MSANTD1: variants seen among roughly 807,000 people sequenced by gnomAD.
MSANTD1 encodes the protein Myb/SANT DNA binding domain containing 1, also known as myb/SANT-like DNA-binding domain-containing protein 1.
In MSANTD1, 7 loss-of-function variants were observed where a neutral mutation model predicts 24.2. That is an observed-to-expected ratio of 0.29 (90% CI 0.16 to 0.54). The LOEUF is 0.54. Among genes scored for constraint, MSANTD1 ranks in the 20% least tolerant of loss-of-function variants. The pLI is 0.94. For missense variants in MSANTD1, 384 were observed against 408.2 expected (o/e 0.94, Z 0.51); for synonymous variants, 177 against 181.1 (o/e 0.98, Z 0.18).
chr4:3,246,737 G>C (rs923567045), upstream of MSANTD1: 18 of 662,610 alleles, frequency 2.7e-5, no homozygotes, highest in East Asian at 5.0e-4. Flanking sequence ...CTGGGTGCCT[G>C]GTGCTGCCAT....
rs1402314318 is a variant in MSANTD1, at chr4:3,253,266, C to T, written c.380C>T (p.Ala127Val). 6.2e-7 allele frequency: 1 copy of T among 1,605,916 alleles called. No individual in the cohort carries two copies. Residue 127 changes from alanine to valine, a missense_variant, in exon 2 of 3, where the codon GCC becomes GTC. By Grantham distance (64) the Ala-to-Val change is moderately conservative. Coordinates refer to ENST00000438480, the MANE Select transcript of MSANTD1 (RefSeq NM_001042690.2). ...SAPPDWPYYL[A>V]IDGILAKVPE... Reference sequence around the variant, plus strand: ...CCGCCCGACTGGCCCTATTACCTAGCCATTGATGGGATTCTGGCCAAGGTC... The same window carrying T: ...CCGCCCGACTGGCCCTATTACCTAGTCATTGATGGGATTCTGGCCAAGGTC...
intron 1 of MSANTD1, 58 bp downstream of exon 1, chr4:3,249,600 C>T (rs979595962): frequency 8.7e-6 from 13 of 1,487,360 alleles, no homozygotes; most frequent in South Asian, 1.3e-5. Context: ...CGTGGCGGGC[C>T]GCTCCTGACT....
Position 3,256,183 on chromosome 4 carries a change from C to T in MSANTD1, c.*218C>T. The T allele has an allele frequency of 2.0e-6, 1 of 510,728 alleles. No individual in the cohort carries two copies. 31.6% of individuals were successfully genotyped at this position (510,728 alleles called of 1,614,324 possible). A position where few individuals can be genotyped will look rare whatever the true frequency, so the allele number is the denominator to read the frequency against. ...CCAGTCTCCAGCATGAATGCCCTTC[C>T]TCGGACACAGGCCAGGGCCTCTGGG... On this transcript the variant is annotated 3_prime_UTR_variant, in exon 3 of 3. Transcript: ENST00000438480.
At chr4:3,254,599 A>C (rs559938965) in intron 2 of MSANTD1, among the ~76,000 whole-genome samples, 1 of 152,208 alleles carries the variant, frequency 6.6e-6, no homozygotes, top group Non-Finnish European at 1.5e-5. Flanking sequence ...GCACTGGAGC[A>C]GGGCCCTGGG....
At chr4:3,248,241 G>A (rs1259783093), upstream of MSANTD1, 1 of 152,294 alleles carries the variant, frequency 6.6e-6, no homozygotes, top group Non-Finnish European at 1.5e-5. Context: ...GGCAGGCTGT[G>A]GTCCTCCGGC....
rs994159655 is a variant in MSANTD1, at chr4:3,256,257, T to G, written c.*292T>G. ...TAGAGCCACTCTCCAGTGTCGTTAC[T>G]ATCAATGATACTTGACGTGGCTTTG... On this transcript the variant is annotated 3_prime_UTR_variant, in exon 3 of 3. Transcript: ENST00000438480. 8.9e-5 allele frequency: 26 copies of G among 291,490 alleles called. No individual in the cohort carries two copies. Among genetic ancestry groups the G allele is most frequent in the African/African-American group, 2.2e-4 (10 of 45,796 alleles). The allele number at this position is 291,490 out of a possible 1,614,324, so 18.1% of individuals were successfully genotyped here. A position where few individuals can be genotyped will look rare whatever the true frequency, so the allele number is the denominator to read the frequency against.
At chr4:3,254,971 A>T (rs1465532789) in intron 2 of MSANTD1, among the ~76,000 whole-genome samples, 1 of 152,082 alleles carries the variant, frequency 6.6e-6, no homozygotes, top group East Asian at 1.9e-4. Context: ...AGTACTCTGC[A>T]CTACCCAGCA....
upstream of MSANTD1, chr4:3,249,035 T>G: frequency 2.0e-6 from 1 of 503,824 alleles, no homozygotes; most frequent in Non-Finnish European, 3.2e-6. Flanking sequence ...GCAGCCCTGA[T>G]TCCTGTGCTT....
At chr4:3,252,404 C>T (rs879751248) in intron 1 of MSANTD1, among the ~76,000 whole-genome samples, 6 of 152,242 alleles carry the variant, frequency 3.9e-5, no homozygotes, top group Non-Finnish European at 8.8e-5. Flanking sequence ...GGTAATGAGG[C>T]ATCAGGCAGT....
intron 2 of MSANTD1, among the ~76,000 whole-genome samples, chr4:3,254,538 G>A (rs1722329258): frequency 6.6e-6 from 1 of 152,204 alleles, no homozygotes; most frequent in African/African-American, 2.4e-5. Flanking sequence ...CGCCCCTGAG[G>A]TTGGCTGTAC....
upstream of MSANTD1, chr4:3,244,824 A>G (rs1273464546): frequency 6.6e-6 from 1 of 152,226 alleles, no homozygotes; most frequent in Non-Finnish European, 1.5e-5. Flanking sequence ...GCCAGGAGAG[A>G]CGGGGGCCAG....
rs1379349363 is a variant in MSANTD1, at chr4:3,253,420, C to T, written c.534C>T (p.Tyr178=). 8.8e-6 allele frequency: 14 copies of T among 1,594,682 alleles called. No homozygotes were observed. The highest frequency in any genetic ancestry group is 1.7e-4 in the Middle Eastern group (1 of 6,032). Residue 178 remains tyrosine (Y), a synonymous_variant, in exon 2 of 3, where the codon TAC becomes TAT. Transcript: ENST00000438480. ...PLYFPYNQCS[Y]EGRFEDDRSD... ...ACTTCCCGTATAACCAGTGCTCCTA[C>T]GAAGGCCGCTTCGAGGATGATCGCT... is the stretch of plus-strand genomic sequence containing the variant.
intron 2 of MSANTD1, among the ~76,000 whole-genome samples, 180 bp downstream of exon 2, chr4:3,253,662 G>A (rs1722301342): frequency 6.6e-6 from 1 of 152,196 alleles, no homozygotes; most frequent in South Asian, 2.1e-4. Flanking sequence ...GTGTCCACAG[G>A]CAGACCGAGT....
chr4:3,246,878 G>C (rs1280465121), upstream of MSANTD1, among the ~76,000 whole-genome samples: 2 of 152,200 alleles, frequency 1.3e-5, 1 homozygote, highest in Non-Finnish European at 2.9e-5. Context: ...GGTTGGAGTT[G>C]AGCCTTTTAC....
At chr4:3,247,398 G>GA (rs1467524707), upstream of MSANTD1, 1 of 152,274 alleles carries the variant, frequency 6.6e-6, no homozygotes, top group African/African-American at 2.4e-5. Context: ...TCTGCCCTTG[G>GA]AGTCATGGCT....
At chr4:3,250,170 G>A (rs893129982) in intron 1 of MSANTD1, among the ~76,000 whole-genome samples, 6 of 152,336 alleles carry the variant, frequency 3.9e-5, no homozygotes, top group East Asian at 1.9e-4. Context: ...ACCAGCCAGC[G>A]CATGGGTGGG....
chr4:3,248,648 G>T (rs2110317685), upstream of MSANTD1: 1 of 153,060 alleles, frequency 6.5e-6, no homozygotes, highest in South Asian at 2.1e-4. Context: ...CAAGGGTGGG[G>T]GTTTGGGGTT....
upstream of MSANTD1, chr4:3,248,122 T>G (rs1195369584): frequency 6.6e-6 from 1 of 152,292 alleles, no homozygotes; most frequent in East Asian, 1.9e-4. Context: ...GAGCCCTGCC[T>G]GACATGCATG....
At chr4:3,252,924 G>C (rs1388259799) in intron 1 of MSANTD1, among the ~76,000 whole-genome samples, 1 of 152,226 alleles carries the variant, frequency 6.6e-6, no homozygotes, top group Non-Finnish European at 1.5e-5. Context: ...AAAAGCAATA[G>C]GACCAGCCCC....
Sources: allele counts gnomAD v4.1 joint callset (sites outside exome capture counted in the v4.1 genomes callset), GRCh38; gene constraint gnomAD v4.1.1; transcripts MANE v1.5; gene names NCBI Gene and HGNC (gene_info 2026-07-23, HGNC 2026-07-21).